Variants in EYS observed in about 807,000 individuals in gnomAD.
EYS encodes the protein protein eyes shut homolog.
A neutral mutation model predicts 282.1 loss-of-function variants in EYS; 250 were observed. The observed-to-expected ratio is 0.89, with a 90% CI of 0.80 to 0.98. The LOEUF (loss-of-function observed/expected upper bound fraction) is 0.98. EYS is among the 50% of genes least tolerant of loss of function. The probability of loss-of-function intolerance (pLI) is 0.00; values close to 1 mark genes in which losing one functional copy is unlikely to be tolerated. For missense variants in EYS, 4,016 were observed against 3,709.0 expected, an observed-to-expected ratio of 1.08 and a Z score of -2.15; for synonymous variants, 1,355 against 1,282.9, an observed-to-expected ratio of 1.06 and a Z score of -1.20.
At chr6:64,543,971 CAG>C (rs1345442471) in intron 26 of EYS, among the ~76,000 whole-genome samples, 2 of 152,166 alleles carry the variant, frequency 1.3e-5, no homozygotes, top group Non-Finnish European at 2.9e-5. Flanking sequence ...TAATCACATA[CAG>C]AGTTTCAGAT....
At chr6:64,305,748 A>G (rs966369473) in intron 30 of EYS, among the ~76,000 whole-genome samples, 1 of 152,198 alleles carries the variant, frequency 6.6e-6, no homozygotes, top group Non-Finnish European at 1.5e-5. Context: ...CTAAAAATGG[A>G]TTAAAAAGCT....
chr6:64,398,321 G>A lies in EYS; in HGVS notation c.5928-9481C>T, dbSNP rs184245036. Among the ~76,000 whole-genome samples, 296 of 151,994 alleles carry A rather than the reference G, an allele frequency of 1.9e-3. 1 individual carries two copies. Among genetic ancestry groups the A allele is most frequent in the Middle Eastern group, 3.4e-3 (1 of 294 alleles). On this transcript the variant is annotated intron_variant, in intron 28 of 42. Coordinates refer to ENST00000503581, the MANE Select transcript of EYS (RefSeq NM_001142800.2). ...CTTTCAGTAAGAAACTTGAACACGC[G>A]TTAGGAGATGGAAGGAGATGGATTA...
At chr6:65,131,018 T>C (rs1447631192) in intron 12 of EYS, among the ~76,000 whole-genome samples, 2 of 151,496 alleles carry the variant, frequency 1.3e-5, no homozygotes, top group Non-Finnish European at 3.0e-5. Flanking sequence ...TAAGTTTTTA[T>C]AAATTATATA....
At chr6:64,134,133 T>C (rs1236683159) in intron 31 of EYS, among the ~76,000 whole-genome samples, 2 of 152,102 alleles carry the variant, frequency 1.3e-5, no homozygotes, top group African/African-American at 2.4e-5. Context: ...TGAAGCAGGA[T>C]CAGGGTCATC....
intron 35 of EYS, among the ~76,000 whole-genome samples, chr6:63,880,846 A>G (rs1773113997): frequency 6.6e-6 from 1 of 152,206 alleles, no homozygotes; most frequent in Non-Finnish European, 1.5e-5. Flanking sequence ...ATCTCTTGGA[A>G]TCAGTTGACA....
intron 22 of EYS, among the ~76,000 whole-genome samples, chr6:64,738,221 G>T (rs1475749794): frequency 6.6e-6 from 1 of 152,128 alleles, no homozygotes; most frequent in Non-Finnish European, 1.5e-5. Flanking sequence ...GGGCTGGATG[G>T]GGCTGGATCC....
intron 12 of EYS, among the ~76,000 whole-genome samples, chr6:65,194,048 T>C (rs541174259): frequency 2.6e-5 from 4 of 152,112 alleles, no homozygotes; most frequent in African/African-American, 7.2e-5. Context: ...TCTGATGAGA[T>C]AGGATTTTTT....
At chr6:64,885,884 A>T (rs1767070114) in intron 19 of EYS, among the ~76,000 whole-genome samples, 1 of 151,620 alleles carries the variant, frequency 6.6e-6, no homozygotes, top group Admixed American at 6.6e-5. Flanking sequence ...GTATTATTTT[A>T]TCCCTGCTGG....
chr6:64,063,447 T>G (rs768739980), intron 33 of EYS, among the ~76,000 whole-genome samples: 8 of 152,196 alleles, frequency 5.3e-5, no homozygotes, highest in African/African-American at 1.9e-4. Context: ...TTTTCACTCC[T>G]AGTATTTAAT....
intron 36 of EYS, among the ~76,000 whole-genome samples, chr6:63,835,182 C>T (rs1212928267): frequency 1.3e-5 from 2 of 150,766 alleles, no homozygotes; most frequent in Non-Finnish European, 3.0e-5. Context: ...GCACATGTAC[C>T]CTAGAACTTA....
chr6:64,126,975 T>G (rs533762252), intron 31 of EYS, among the ~76,000 whole-genome samples: 8 of 152,166 alleles, frequency 5.3e-5, no homozygotes, highest in African/African-American at 1.9e-4. Context: ...TGGTTATGGG[T>G]TAGAGATGAC....
At chr6:65,149,014 T>A (rs1764549351) in intron 12 of EYS, among the ~76,000 whole-genome samples, 1 of 151,996 alleles carries the variant, frequency 6.6e-6, no homozygotes, top group South Asian at 2.1e-4. Context: ...CAGGAAACAT[T>A]TTTCCCACTT....
At chr6:65,185,155 AAC>A (rs1046947112) in intron 12 of EYS, among the ~76,000 whole-genome samples, 9 of 151,794 alleles carry the variant, frequency 5.9e-5, no homozygotes, top group Non-Finnish European at 1.2e-4. Flanking sequence ...CTAAAATATT[AAC>A]AGTCTCTAGA....
intron 5 of EYS, among the ~76,000 whole-genome samples, chr6:65,426,171 T>C (rs1767653967): frequency 6.6e-6 from 1 of 151,938 alleles, no homozygotes; most frequent in African/African-American, 2.4e-5. Context: ...TGGAGGTGGG[T>C]TCTTGCTACG....
intron 33 of EYS, among the ~76,000 whole-genome samples, chr6:64,014,271 T>G (rs897807835): frequency 6.6e-6 from 1 of 151,720 alleles, no homozygotes; most frequent in Non-Finnish European, 1.5e-5. Context: ...AGGTGGTAAA[T>G]GAAAAGGCCA....
chr6:64,977,007 C>T (rs1770493586), intron 14 of EYS, among the ~76,000 whole-genome samples: 1 of 151,916 alleles, frequency 6.6e-6, no homozygotes, highest in Admixed American at 6.6e-5. Flanking sequence ...ATTTTCCTGT[C>T]TCAGCCTCCC....
chr6:65,181,280 G>A (rs374353717), intron 12 of EYS, among the ~76,000 whole-genome samples: 6 of 151,886 alleles, frequency 4.0e-5, no homozygotes, highest in African/African-American at 7.2e-5. Context: ...AACCTACAGA[G>A]TGGGAGAAAA....
intron 26 of EYS, among the ~76,000 whole-genome samples, chr6:64,581,232 G>T (rs751831991): frequency 4.5e-4 from 68 of 152,058 alleles, no homozygotes; most frequent in Admixed American, 2.0e-4. Context: ...AAATGTTGGA[G>T]GATTCTAACA....
chr6:65,574,789 A>G (rs1411780656), intron 2 of EYS, among the ~76,000 whole-genome samples: 1 of 152,146 alleles, frequency 6.6e-6, no homozygotes, highest in African/African-American at 2.4e-5. Context: ...TATACAGAAC[A>G]TTTTAACCCA....
Sources: gnomAD v4.1 joint callset for allele counts (sites outside exome capture counted in the v4.1 genomes callset) on GRCh38, gnomAD v4.1.1 for gene constraint, MANE v1.5 for transcripts, NCBI Gene and HGNC (gene_info 2026-07-23, HGNC 2026-07-21) for gene names.